Variants in MICU3 observed in about 807,000 individuals in gnomAD.
MICU3 encodes calcium uptake protein 3, mitochondrial.
In MICU3, 62 loss-of-function variants were observed where a neutral mutation model predicts 66.5. The ratio of observed to expected loss-of-function variants is 0.93; its 90% CI spans 0.76 to 1.15. The LOEUF (loss-of-function observed/expected upper bound fraction) is 1.15, where lower values mean the gene tolerates loss of function less well. Among genes scored for constraint, MICU3 ranks in the 50% most tolerant of loss-of-function variants. The pLI is 0.00. For synonymous variants in MICU3, 308 were observed against 240.7 expected (o/e 1.28, Z -2.59); for missense variants, 779 against 664.4 (o/e 1.17, Z -1.90).
intron 3 of MICU3, among the ~76,000 whole-genome samples, chr8:17,071,190 G>C (rs1819533594): frequency 6.6e-6 from 1 of 152,116 alleles, no homozygotes. Flanking sequence ...CATTTTACTG[G>C]AAGTCTGGGC....
At chr8:17,135,898 C>T in the MICU3 span, among the ~76,000 whole-genome samples, 1 of 152,092 alleles carries the variant, frequency 6.6e-6, no homozygotes, top group East Asian at 1.9e-4. Context: ...TTATAGGCTT[C>T]CTATATTAAA....
chr8:17,067,599 T>G (rs1415919791), intron 2 of MICU3, among the ~76,000 whole-genome samples: 1 of 152,030 alleles, frequency 6.6e-6, no homozygotes, highest in Non-Finnish European at 1.5e-5. Flanking sequence ...CCAGCTAATT[T>G]TTGTATTTTT....
Position 17,086,993 on chromosome 8 carries a change from A to G in MICU3, c.807A>G (p.Glu269=). The G allele has an allele frequency of 1.2e-6, 2 of 1,606,778 alleles. No individual in the cohort carries two copies. The highest frequency in any genetic ancestry group is 1.7e-4 in the Middle Eastern group (1 of 5,986). The change falls in exon 7 of 15, where the codon GAA becomes GAG. Residue 269 remains glutamate (E), a synonymous_variant. Coordinates refer to ENST00000318063, the MANE Select transcript of MICU3 (RefSeq NM_181723.3). ...VLQEIFRKKN[E]KREIKGDEEK... ...AAGAGATATTCAGGAAAAAAAATGA[A>G]AAGAGAGAAATTAAAGGAGATGAAG...
In MICU3 at chr8:17,098,440, T is replaced by C; in HGVS notation, c.889-18T>C. The stretch of plus-strand genomic sequence containing the variant: ...ACTATTCTTTAGATTTCAGTTGTGC[T>C]TCTTAAAACTTCTACAGGTACTTAA... On this transcript the variant is annotated intron_variant, in intron 8 of 14. Transcript: ENST00000318063. 2 of 1,480,736 alleles carry C rather than the reference T, an allele frequency of 1.4e-6. No individual in the cohort carries two copies. Among genetic ancestry groups the C allele is most frequent in the Non-Finnish European group, 1.9e-6 (2 of 1,058,802 alleles). The allele number at this position is 1,480,736 out of a possible 1,614,324, so 91.7% of individuals were successfully genotyped here.
At chr8:17,105,259 T>C (rs556684658) in intron 10 of MICU3, among the ~76,000 whole-genome samples, 154 bp from the exon 11 acceptor site, 20 of 152,054 alleles carry the variant, frequency 1.3e-4, no homozygotes, top group Non-Finnish European at 2.1e-4. Flanking sequence ...TGTGTTCTTT[T>C]CATTCTCATT....
chr8:17,123,433 AT>A (rs201666461), downstream of MICU3, among the ~76,000 whole-genome samples: 7 of 151,468 alleles, frequency 4.6e-5, no homozygotes, highest in African/African-American at 7.2e-5. Context: ...ATGAGGATAG[AT>A]TTTTTTTTAA....
At chr8:17,062,795 C>A (rs1696326075) in intron 1 of MICU3, among the ~76,000 whole-genome samples, 1 of 151,800 alleles carries the variant, frequency 6.6e-6, no homozygotes, top group Admixed American at 6.6e-5. Flanking sequence ...AGGAGAGTCG[C>A]TTGAACCTGG....
chr8:17,042,920 A>C, intron 1 of MICU3, among the ~76,000 whole-genome samples: 1 of 147,790 alleles, frequency 6.8e-6, no homozygotes. Context: ...TGCTTGTAGC[A>C]ATTCAAAGTG....
intron 12 of MICU3, among the ~76,000 whole-genome samples, chr8:17,114,728 C>A (rs986148712): frequency 6.6e-6 from 1 of 152,168 alleles, no homozygotes; most frequent in African/African-American, 2.4e-5. Flanking sequence ...CTCCTCATGG[C>A]CATGTCCTTT....
At chr8:17,105,247 C>T (rs1001354974) in intron 10 of MICU3, among the ~76,000 whole-genome samples, 166 bp from the exon 11 acceptor site, 5 of 151,930 alleles carry the variant, frequency 3.3e-5, no homozygotes, top group Non-Finnish European at 7.4e-5. Flanking sequence ...GTAAAGCGAT[C>T]GTGTGTTCTT....
intron 1 of MICU3, among the ~76,000 whole-genome samples, chr8:17,055,346 T>A (rs780499754): frequency 8.5e-5 from 13 of 152,208 alleles, no homozygotes; most frequent in Non-Finnish European, 1.9e-4. Context: ...AGTGAGTCTC[T>A]CCATCTTTCT....
intron 8 of MICU3, among the ~76,000 whole-genome samples, chr8:17,090,897 A>T (rs531070853): frequency 1.3e-5 from 2 of 152,206 alleles, no homozygotes; most frequent in East Asian, 3.9e-4. Context: ...ATGTAGAGAG[A>T]GCAGATTCTC....
At chr8:17,056,402 T>G (rs1483743280) in intron 1 of MICU3, among the ~76,000 whole-genome samples, 1 of 152,220 alleles carries the variant, frequency 6.6e-6, no homozygotes, top group Non-Finnish European at 1.5e-5. Context: ...CTGTCTGGCT[T>G]CTTGTTCCCT....
At chr8:17,060,919 C>T (rs941896424) in intron 1 of MICU3, among the ~76,000 whole-genome samples, 4 of 151,938 alleles carry the variant, frequency 2.6e-5, no homozygotes, top group African/African-American at 9.7e-5. Flanking sequence ...AAAAGCCCCA[C>T]TTAATATTAT....
chr8:17,106,791 T>C (rs757398377), intron 11 of MICU3, among the ~76,000 whole-genome samples: 5 of 141,180 alleles, frequency 3.5e-5, no homozygotes, highest in African/African-American at 9.6e-5. Context: ...GGCTTGACTT[T>C]CTTCAGCATA....
chr8:17,046,246 C>T (rs148858473), intron 1 of MICU3, among the ~76,000 whole-genome samples: 4 of 152,212 alleles, frequency 2.6e-5, no homozygotes, highest in African/African-American at 7.2e-5. Flanking sequence ...GCACTATCTC[C>T]AGGTACACAG....
At chr8:17,069,808 T>TAAAAATACA in intron 3 of MICU3, 89 bp downstream of exon 3, 1 of 417,368 alleles carries the variant, frequency 2.4e-6, no homozygotes, top group Non-Finnish European at 3.8e-6. Flanking sequence ...ATAAAATATA[T>TAAAAATACA]TATGTATTTT....
At chr8:17,112,981 T>C (rs1182197660) in intron 11 of MICU3, among the ~76,000 whole-genome samples, 1 of 152,120 alleles carries the variant, frequency 6.6e-6, no homozygotes, top group African/African-American at 2.4e-5. Flanking sequence ...GGATCCAAGA[T>C]TGGAATGGTC....
At chr8:17,059,768 G>C (rs1282645295) in intron 1 of MICU3, among the ~76,000 whole-genome samples, 1 of 151,962 alleles carries the variant, frequency 6.6e-6, no homozygotes, top group Non-Finnish European at 1.5e-5. Flanking sequence ...GAAATGCTTA[G>C]GAATGAATCT....
Sources: allele counts gnomAD v4.1 joint callset (sites outside exome capture counted in the v4.1 genomes callset), GRCh38; gene constraint gnomAD v4.1.1; transcripts MANE v1.5; gene names NCBI Gene and HGNC (gene_info 2026-07-23, HGNC 2026-07-21).